The following SPAST variants were observed in gnomAD, a reference collection of about 807,000 sequenced individuals.
The protein encoded by SPAST is spastin.
In SPAST, 30 loss-of-function variants were observed where a neutral mutation model predicts 76.6. The observed-to-expected ratio is 0.39, with a 90% CI of 0.29 to 0.53. The LOEUF (loss-of-function observed/expected upper bound fraction) is 0.53, where lower values mean the gene tolerates loss of function less well. Ranked by LOEUF, SPAST falls within the 20% of genes least tolerant of loss-of-function variation. The pLI, the probability that SPAST is intolerant of heterozygous loss-of-function variation, is 0.68. For synonymous variants in SPAST, 305 were observed against 281.0 expected (o/e 1.09, Z -0.86); for missense variants, 717 against 770.5 (o/e 0.93, Z 0.82).
intron 7 of SPAST, among the ~76,000 whole-genome samples, chr2:32,120,867 T>C (rs570666104): frequency 3.3e-5 from 5 of 152,192 alleles, no homozygotes; most frequent in Non-Finnish European, 7.3e-5. Flanking sequence ...GAAAATATCT[T>C]TATTCTGCTG....
At chr2:32,090,064 G>A (rs972721578) in intron 3 of SPAST, among the ~76,000 whole-genome samples, 1 of 152,168 alleles carries the variant, frequency 6.6e-6, no homozygotes, top group Admixed American at 6.5e-5. Context: ...GCGCCCAGCC[G>A]AGCATAATGA....
chr2:32,071,706 A>T (rs1261687104), intron 1 of SPAST, among the ~76,000 whole-genome samples: 2 of 152,216 alleles, frequency 1.3e-5, no homozygotes, highest in Admixed American at 6.6e-5. Flanking sequence ...AGATTTTCTG[A>T]TTGGCAATTG....
intron 1 of SPAST, among the ~76,000 whole-genome samples, chr2:32,075,352 G>C (rs904759932): frequency 6.1e-5 from 9 of 147,784 alleles, no homozygotes; most frequent in Non-Finnish European, 1.2e-4. Context: ...CGAGAACCCA[G>C]GAGACAGAGC....
In SPAST at chr2:32,073,652, A is replaced by G. The variant is rs369675678; in HGVS notation, c.415+9406A>G. Among the ~76,000 whole-genome samples, 92 of 152,172 alleles carry G rather than the reference A, an allele frequency of 6.0e-4. No individual in the cohort carries two copies. The Middle Eastern group carries it at 0.01, about 17-fold the overall frequency. ...CCAGTTTTCTTCACTCTTGACCTAT[A>G]ATAGTCCTGCAAAGCCAGTGAAGCT... On this transcript the variant is annotated intron_variant, in intron 1 of 16. Coordinates refer to ENST00000315285, the MANE Select transcript of SPAST (RefSeq NM_014946.4).
Position 32,128,492 on chromosome 2 carries a change from T to C in SPAST, c.1245+13T>C. On this transcript the variant is annotated intron_variant, in intron 9 of 16. Transcript: ENST00000315285. Reference sequence around the variant, plus strand: ...AACTTCAAAATACGTGAGTGCTCTGTTTCCAATATTGTCGTATTTTAAGTT... The same window carrying C: ...AACTTCAAAATACGTGAGTGCTCTGCTTCCAATATTGTCGTATTTTAAGTT... The C allele has an allele frequency of 6.5e-7, 1 of 1,540,902 alleles. No homozygotes were observed. Among genetic ancestry groups the C allele is most frequent in the South Asian group, 1.1e-5 (1 of 89,662 alleles).
intron 7 of SPAST, among the ~76,000 whole-genome samples, chr2:32,121,897 A>G (rs1390807246): frequency 2.6e-5 from 4 of 152,032 alleles, no homozygotes. Context: ...GGTTTTGTCA[A>G]GTTTTCTTTT....
intron 1 of SPAST, among the ~76,000 whole-genome samples, chr2:32,082,318 G>T (rs1013810459): frequency 1.2e-4 from 18 of 151,718 alleles, no homozygotes; most frequent in Admixed American, 1.1e-3. Context: ...TCTTACTATA[G>T]TAATCAAAAT....
At chr2:32,148,965 C>T (rs185423944) in intron 16 of SPAST, among the ~76,000 whole-genome samples, 11 of 150,830 alleles carry the variant, frequency 7.3e-5, no homozygotes, top group South Asian at 2.1e-4. Flanking sequence ...CAGAGTGAGA[C>T]CCAGTCTCAA....
At chr2:32,068,848 C>T (rs1053740319) in intron 1 of SPAST, among the ~76,000 whole-genome samples, 30 of 150,690 alleles carry the variant, frequency 2.0e-4, no homozygotes, top group Non-Finnish European at 1.8e-4. Context: ...GAGCTGAGAT[C>T]TCACCCATTG....
chr2:32,067,194 T>G (rs1296519451), intron 1 of SPAST, among the ~76,000 whole-genome samples: 1 of 152,106 alleles, frequency 6.6e-6, no homozygotes, highest in African/African-American at 2.4e-5. Flanking sequence ...CCTGAGCAGC[T>G]GGGATTACAG....
intron 4 of SPAST, among the ~76,000 whole-genome samples, chr2:32,112,892 A>AAC (rs1342279870): frequency 6.6e-6 from 1 of 152,068 alleles, no homozygotes; most frequent in Non-Finnish European, 1.5e-5. Flanking sequence ...CTTCACAGTA[A>AAC]ACATTGTAAA....
In SPAST at chr2:32,115,795, A is replaced by C; in HGVS notation, c.964A>C (p.Ser322Arg). The stretch of plus-strand genomic sequence containing the variant: ...CTTGAAGAATTTTAGGAATGTGGAC[A>C]GCAACCTTGCTAACCTTATAATGAA... The part of the protein sequence containing the change: ...KDLKNFRNVD[S>R]NLANLIMNEI... Residue 322 changes from serine to arginine, a missense_variant, in exon 6 of 17, where the codon AGC (serine) becomes CGC (arginine). Ser to Arg is a moderately radical substitution (Grantham distance 110, BLOSUM62 -1). Transcript: ENST00000315285. 1 of 1,612,138 alleles carries C rather than the reference A, an allele frequency of 6.2e-7. No homozygotes were observed. The highest frequency in any genetic ancestry group is 2.2e-5 in the East Asian group (1 of 44,722).
chr2:32,081,770 T>TG (rs1677231652), intron 1 of SPAST, among the ~76,000 whole-genome samples: 1 of 57,272 alleles, frequency 1.7e-5, no homozygotes, highest in African/African-American at 5.8e-5. Context: ...GGCGACAGAG[T>TG]GAGACACTGT....
intron 4 of SPAST, among the ~76,000 whole-genome samples, chr2:32,112,131 T>G (rs1300744351): frequency 6.6e-6 from 1 of 150,686 alleles, no homozygotes; most frequent in African/African-American, 2.4e-5. Flanking sequence ...TTTTGTATTT[T>G]GAGTGGAGAT....
rs573302157 is a variant in SPAST, at chr2:32,085,088, T to TA, written c.416-2398dup. Among the ~76,000 whole-genome samples, 13 of 151,568 alleles carry TA rather than the reference T, an allele frequency of 8.6e-5. No homozygotes were observed. The East Asian group carries it at 2.1e-3, about 25-fold the overall frequency. ...TTCTATAATTTTCCCTTTTTCAAACTAAAAAACAAAAATACATGTAAACAG... is the reference window on the plus strand; with the variant it reads ...TTCTATAATTTTCCCTTTTTCAAACTAAAAAAACAAAAATACATGTAAACAG... On this transcript the variant is annotated intron_variant, in intron 1 of 16. Coordinates refer to ENST00000315285, the MANE Select transcript of SPAST (RefSeq NM_014946.4).
At chr2:32,144,746 AGGTGCGGT>A (rs1679829860) in intron 14 of SPAST, among the ~76,000 whole-genome samples, 183 bp from the exon 15 acceptor site, 1 of 151,964 alleles carries the variant, frequency 6.6e-6, no homozygotes, top group Admixed American at 6.6e-5. Context: ...AAAATTAGCC[AGGTGCGGT>A]GGCGCATGCC....
intron 8 of SPAST, 98 bp downstream of exon 8, chr2:32,127,120 T>C: frequency 1.2e-6 from 1 of 841,710 alleles, no homozygotes; most frequent in Admixed American, 1.9e-5. Context: ...TATTTACGAC[T>C]TGCTTTTTGC....
chr2:32,128,966 G>A (rs1189780725), intron 9 of SPAST: 1 of 189,226 alleles, frequency 5.3e-6, no homozygotes, highest in Non-Finnish European at 1.1e-5. Context: ...TTCCCCTGTG[G>A]ATTAGGACCC....
At chr2:32,086,391 A>G (rs2148707939) in intron 1 of SPAST, among the ~76,000 whole-genome samples, 1 of 152,050 alleles carries the variant, frequency 6.6e-6, no homozygotes, top group South Asian at 2.1e-4. Flanking sequence ...ACTTGAGCCC[A>G]GGAGTTGGAG....
Sources: gnomAD v4.1 joint callset for allele counts (sites outside exome capture counted in the v4.1 genomes callset) on GRCh38, gnomAD v4.1.1 for gene constraint, MANE v1.5 for transcripts, NCBI Gene and HGNC (gene_info 2026-07-23, HGNC 2026-07-21) for gene names.